CFAP161: variants seen among roughly 807,000 people sequenced by gnomAD.
The protein encoded by CFAP161 is cilia- and flagella-associated protein 161.
Under a neutral mutation model 29.0 loss-of-function variants are expected in CFAP161, and 25 were observed. The ratio of observed to expected loss-of-function variants is 0.86; its 90% CI spans 0.63 to 1.20. The LOEUF (loss-of-function observed/expected upper bound fraction) is 1.20. CFAP161 is among the 50% of genes most tolerant of loss of function. CFAP161 has a pLI of 0.00. For synonymous variants in CFAP161, 116 were observed against 137.4 expected (o/e 0.84, Z 1.09); for missense variants, 367 against 371.9 (o/e 0.99, Z 0.11).
At chr15:81,110,681 G>A (rs981968916) in intron 1 of CFAP161, among the ~76,000 whole-genome samples, 3 of 152,074 alleles carry the variant, frequency 2.0e-5, no homozygotes, top group Non-Finnish European at 4.4e-5. Flanking sequence ...AATCTCTTCC[G>A]CTCTCAGGAT....
Position 81,143,711 on chromosome 15 carries a change from C to T in CFAP161, c.527C>T (p.Ser176Phe), listed in dbSNP as rs768875444. 58 of 1,614,090 alleles carry T rather than the reference C, an allele frequency of 3.6e-5. No homozygotes were observed. The highest frequency in any genetic ancestry group is 4.7e-5 in the Non-Finnish European group (56 of 1,180,020). The change falls in exon 5 of 7, where the codon TCT becomes TTT. Residue 176 changes from serine (S) to phenylalanine (F), a missense_variant. Physicochemically the swap from Ser to Phe is radical, Grantham distance 155 (BLOSUM62 -2). Coordinates refer to ENST00000286732, the MANE Select transcript of CFAP161 (RefSeq NM_173528.4). ...HRTLLKSSKRSWLQEVYLTDE... is the reference protein window; with the variant it reads ...HRTLLKSSKRFWLQEVYLTDE... Reference sequence around the variant, plus strand: ...ACCCTCCTGAAATCGTCTAAGAGGTCTTGGCTCCAGGAAGTGTACCTAACA... The same window carrying T: ...ACCCTCCTGAAATCGTCTAAGAGGTTTTGGCTCCAGGAAGTGTACCTAACA...
Position 81,135,338 on chromosome 15 carries a change from A to G in CFAP161, c.138A>G (p.Leu46=), listed in dbSNP as rs201408375. 1,323 of 1,594,218 alleles carry G rather than the reference A, an allele frequency of 8.3e-4. 11 individuals carry two copies. Among genetic ancestry groups the G allele is most frequent in the Middle Eastern group, 3.9e-3 (23 of 5,974 alleles). The change falls in exon 2 of 7, where the codon CTA becomes CTG. Residue 46 remains leucine (L), a synonymous_variant. Coordinates refer to ENST00000286732, the MANE Select transcript of CFAP161 (RefSeq NM_173528.4). ...GKLLIQRSRR[L]KQNLLRPMQL... is the part of the protein sequence containing the mutation. Reference sequence around the variant, plus strand: ...TTCTCATACAGAGAAGTAGAAGACTAAAACAGAATCTCTTGAGACCGGTAA... The same window carrying G: ...TTCTCATACAGAGAAGTAGAAGACTGAAACAGAATCTCTTGAGACCGGTAA...
chr15:81,142,148 C>T (rs751974197), intron 4 of CFAP161, among the ~76,000 whole-genome samples: 1 of 152,110 alleles, frequency 6.6e-6, no homozygotes, highest in Non-Finnish European at 1.5e-5. Flanking sequence ...TCATACTGCA[C>T]TTTGGCCTGT....
intron 5 of CFAP161, among the ~76,000 whole-genome samples, chr15:81,145,382 G>T (rs75164988): frequency 0.014 from 2,111 of 152,220 alleles, 43 homozygotes; most frequent in African/African-American, 0.048. Context: ...CTAAATTTGG[G>T]GTGTTAATAG....
intron 4 of CFAP161, among the ~76,000 whole-genome samples, chr15:81,141,267 G>A (rs929057118): frequency 1.3e-5 from 2 of 152,102 alleles, no homozygotes; most frequent in African/African-American, 4.8e-5. Context: ...TTTGTTAAGG[G>A]TTTTTCCTTG....
chr15:81,121,120 A>C (rs1894567428), intron 1 of CFAP161, among the ~76,000 whole-genome samples: 1 of 152,192 alleles, frequency 6.6e-6, no homozygotes, highest in African/African-American at 2.4e-5. Flanking sequence ...TGATCACACA[A>C]ACAATTCCTT....
Position 81,134,319 on chromosome 15 carries a change from A to C in CFAP161, c.-11A>C. On this transcript the variant is annotated 5_prime_UTR_variant, in exon 1 of 7. Coordinates refer to ENST00000286732, the MANE Select transcript of CFAP161 (RefSeq NM_173528.4). ...TCGGAGGGAGGCCCACTTGCTGAACAGCAGGGAGCGATGGCGCAGAACGTG... is the reference window on the plus strand; with the variant it reads ...TCGGAGGGAGGCCCACTTGCTGAACCGCAGGGAGCGATGGCGCAGAACGTG... 2 of 1,581,916 alleles carry C rather than the reference A, an allele frequency of 1.3e-6. No homozygotes were observed. Among genetic ancestry groups the C allele is most frequent in the South Asian group, 2.3e-5 (2 of 86,030 alleles).
intron 4 of CFAP161, 94 bp downstream of exon 4, chr15:81,138,229 A>G: frequency 2.0e-6 from 2 of 1,019,906 alleles, no homozygotes; most frequent in Admixed American, 1.8e-5. Context: ...AGAGAACTCC[A>G]GAGTCATGGG....
chr15:81,121,224 T>C (rs955914144), intron 1 of CFAP161, among the ~76,000 whole-genome samples: 2 of 152,230 alleles, frequency 1.3e-5, no homozygotes, highest in African/African-American at 4.8e-5. Flanking sequence ...TCCTCTATCT[T>C]AAATAACCAA....
intron 1 of CFAP161, among the ~76,000 whole-genome samples, chr15:81,123,470 G>A (rs1165262444): frequency 1.3e-5 from 2 of 152,178 alleles, no homozygotes; most frequent in African/African-American, 4.8e-5. Flanking sequence ...GTTGGGTAGT[G>A]TGATGCCTCC....
rs111902065 is a variant in CFAP161 at position 81,123,194 on chromosome 15, C to A, written c.-141-4396C>A. 2.1e-3 allele frequency among the ~76,000 whole-genome samples: 316 copies of A among 152,240 alleles called. 2 individuals carry two copies. The highest frequency in any genetic ancestry group is 7.1e-3 in the African/African-American group (295 of 41,536). On this transcript the variant is annotated intron_variant, in intron 1 of 4. Transcript: ENST00000560091. ...TAGGTTTTACATTTAAGTCTTTAAT[C>A]CATCTTGAGTTAATTTTTGTATATA...
In CFAP161 at chr15:81,105,147, C is replaced by CCCTCCCTCCCTT. The variant is rs1567149869; in HGVS notation, c.-141-22432_-141-22431insTCCTCCCTCCCT. Among the ~76,000 whole-genome samples, 4 of 25,570 alleles carry CCCTCCCTCCCTT rather than the reference C, an allele frequency of 1.6e-4. 1 individual carries two copies. The highest frequency in any genetic ancestry group is 3.2e-4 in the African/African-American group (2 of 6,170). The allele number at this position is 25,570 out of a possible 152,430, so 16.8% of individuals were successfully genotyped here. A position where few individuals can be genotyped will look rare whatever the true frequency, so the allele number is the denominator to read the frequency against. On this transcript the variant is annotated intron_variant, in intron 1 of 4. Transcript: ENST00000560091. Reference sequence around the variant, plus strand: ...TACCTTTCTCCCCCCTCCCCTCCCTCCCTCCCTCCCTCCCTTCCTTCCTCC... The same window carrying CCCTCCCTCCCTT: ...TACCTTTCTCCCCCCTCCCCTCCCTCCCTCCCTCCCTTCCTCCCTCCCTCCCTTCCTTCCTCC...
intron 5 of CFAP161, among the ~76,000 whole-genome samples, chr15:81,146,128 T>G (rs750598460): frequency 2.6e-5 from 4 of 152,186 alleles, no homozygotes; most frequent in Non-Finnish European, 5.9e-5. Flanking sequence ...TTTTGACCCC[T>G]CATGATCACA....
At chr15:81,102,137 T>G (rs1894311052) in intron 1 of CFAP161, among the ~76,000 whole-genome samples, 1 of 152,192 alleles carries the variant, frequency 6.6e-6, no homozygotes. Flanking sequence ...TGCCAAGTAG[T>G]GCAAATTTGT....
intron 2 of CFAP161, 22 bp from the exon 3 acceptor site, chr15:81,136,494 T>C (rs1396307119): frequency 1.9e-6 from 3 of 1,607,328 alleles, no homozygotes; most frequent in Non-Finnish European, 2.6e-6. Context: ...GTTTATGTAA[T>C]AAACTACTAT....
chr15:81,131,558 G>T (rs192549700), upstream of CFAP161, among the ~76,000 whole-genome samples: 1 of 152,032 alleles, frequency 6.6e-6, no homozygotes, highest in Non-Finnish European at 1.5e-5. Flanking sequence ...ACTCACTAGC[G>T]GAATACAGCA....
At chr15:81,124,171 G>A (rs1894611012) in intron 1 of CFAP161, among the ~76,000 whole-genome samples, 1 of 152,076 alleles carries the variant, frequency 6.6e-6, no homozygotes, top group Non-Finnish European at 1.5e-5. Flanking sequence ...ATTGGCTGTG[G>A]GTTTGTCATA....
At chr15:81,116,157 G>C (rs1489963699) in intron 1 of CFAP161, among the ~76,000 whole-genome samples, 1 of 152,104 alleles carries the variant, frequency 6.6e-6, no homozygotes, top group Non-Finnish European at 1.5e-5. Context: ...TCTTAGAGTA[G>C]GTTCCGTTAG....
intron 1 of CFAP161, among the ~76,000 whole-genome samples, chr15:81,115,721 T>C (rs1429510593): frequency 6.6e-6 from 1 of 152,188 alleles, no homozygotes; most frequent in Non-Finnish European, 1.5e-5. Flanking sequence ...ACTCTGTCAC[T>C]GCAGCTGGAG....
Sources: gnomAD v4.1 joint callset for allele counts (sites outside exome capture counted in the v4.1 genomes callset) on GRCh38, gnomAD v4.1.1 for gene constraint, MANE v1.5 for transcripts, NCBI Gene and HGNC (gene_info 2026-07-23, HGNC 2026-07-21) for gene names.